Variants in PAPPA observed in about 807,000 individuals in gnomAD.
PAPPA encodes the protein pappalysin 1.
A neutral mutation model predicts 164.0 loss-of-function variants in PAPPA; 60 were observed. The observed-to-expected ratio is 0.37, with a 90% confidence interval of 0.30 to 0.45. The LOEUF is 0.45. Among genes scored for constraint, PAPPA ranks in the 20% least tolerant of loss-of-function variants. The probability of loss-of-function intolerance (pLI) is 1.00; values close to 1 mark genes in which losing one functional copy is unlikely to be tolerated. For synonymous variants in PAPPA, 875 were observed against 814.1 expected, an observed-to-expected ratio of 1.07 and a Z score of -1.27; for missense variants, 1,782 against 2,087.3, an observed-to-expected ratio of 0.85 and a Z score of 2.85.
chr9:116,387,864 C>T (rs1846836391), intron 21 of PAPPA, among the ~76,000 whole-genome samples: 1 of 152,228 alleles, frequency 6.6e-6, no homozygotes, highest in Non-Finnish European at 1.5e-5. Context: ...GCGTCTTGTC[C>T]TGCCCCTTGT....
At chr9:116,227,581 CAGG>C (rs1316188690) in intron 6 of PAPPA, 29 bp downstream of exon 6, 15 of 1,612,294 alleles carry the variant, frequency 9.3e-6, no homozygotes, top group Admixed American at 3.3e-5. Flanking sequence ...AGCTCATTGA[CAGG>C]AGGAGTGTGC....
At chr9:116,265,598 G>GA (rs769943279) in intron 7 of PAPPA, among the ~76,000 whole-genome samples, 1 of 151,998 alleles carries the variant, frequency 6.6e-6, no homozygotes, top group South Asian at 2.1e-4. Context: ...TTAAATTAAA[G>GA]AAAAAAACAA....
intron 1 of PAPPA, among the ~76,000 whole-genome samples, chr9:116,163,724 TTTTCGGC>T (rs1843693564): frequency 6.6e-6 from 1 of 152,110 alleles, no homozygotes; most frequent in African/African-American, 2.4e-5. Flanking sequence ...TGTGGACACA[TTTTCGGC>T]TTCCACACCT....
At chr9:116,291,751 G>C (rs1845439168) in intron 9 of PAPPA, among the ~76,000 whole-genome samples, 1 of 151,900 alleles carries the variant, frequency 6.6e-6, no homozygotes, top group Admixed American at 6.6e-5. Context: ...GATGCACTTT[G>C]AAACATGCTT....
intron 9 of PAPPA, among the ~76,000 whole-genome samples, chr9:116,276,863 CG>C (rs1845205512): frequency 1.3e-5 from 2 of 152,246 alleles, no homozygotes; most frequent in South Asian, 4.2e-4. Context: ...TGAGGGACAT[CG>C]AGGAGAGGAG....
intron 3 of PAPPA, 90 bp from the exon 4 acceptor site, chr9:116,211,549 A>G: frequency 8.9e-7 from 1 of 1,125,966 alleles, no homozygotes; most frequent in Non-Finnish European, 1.3e-6. Context: ...TATTTTGGGC[A>G]GCATCTCTTT....
chr9:116,302,746 A>T lies in PAPPA; in HGVS notation c.2954-11A>T. On this transcript the variant is annotated splice_polypyrimidine_tract_variant and intron_variant, in intron 9 of 21. Coordinates refer to ENST00000328252, the MANE Select transcript of PAPPA (RefSeq NM_002581.5). ...ATTTATTCTCTCCCTTTCTATGTCA[A>T]TCTTTTGCAGATGAACCCAGCCGGT... 1 of 1,603,740 alleles carries T rather than the reference A, an allele frequency of 6.2e-7. No homozygotes were observed. The highest frequency in any genetic ancestry group is 1.3e-5 in the African/African-American group (1 of 74,790).
chr9:116,356,437 G>A (rs992564559), intron 17 of PAPPA, among the ~76,000 whole-genome samples: 2 of 152,336 alleles, frequency 1.3e-5, no homozygotes, highest in East Asian at 1.9e-4. Flanking sequence ...GAACTAGCCT[G>A]CTTTAAGGTC....
At position 116,187,944 on chromosome 9, in the gene PAPPA, C is replaced by G. The variant is rs766775376; in HGVS notation, c.1206C>G (p.Asn402Lys). 6.2e-7 allele frequency: 1 copy of G among 1,614,160 alleles called. No individual in the cohort carries two copies. The highest frequency in any genetic ancestry group is 1.1e-5 in the South Asian group (1 of 91,070). ...AGCTGGACGTGCTGGAGGTGAGCAA[C>G]TCCTCCCTTCGCCGCCGCCTCATCC... is the stretch of plus-strand genomic sequence containing the variant. ...SWELDVLEVS[N>K]SSLRRRLILA... Residue 402 changes from asparagine to lysine, a missense_variant, in exon 2 of 22, where the codon AAC becomes AAG. Around this residue, in one of 2 missense-constraint regions of PAPPA, gnomAD observed 1,324 missense variants for 1,656.9 expected, o/e 0.80. Coordinates refer to ENST00000328252, the MANE Select transcript of PAPPA (RefSeq NM_002581.5). The surrounding 1 kb of genome is among the most constrained non-coding windows in gnomAD (Gnocchi z 4.2).
chr9:116,282,832 C>G (rs1845283856), intron 9 of PAPPA, among the ~76,000 whole-genome samples: 1 of 152,134 alleles, frequency 6.6e-6, no homozygotes, highest in Non-Finnish European at 1.5e-5. Flanking sequence ...ATCCCAGGGT[C>G]TTTTTAAGAA....
intron 1 of PAPPA, among the ~76,000 whole-genome samples, chr9:116,155,031 T>C (rs1564168527): frequency 6.6e-6 from 1 of 152,144 alleles, no homozygotes; most frequent in Non-Finnish European, 1.5e-5. Context: ...TAGGCCCCAT[T>C]CCCCTGAAAG....
At chr9:116,334,238 TAA>T (rs397974030) in intron 12 of PAPPA, among the ~76,000 whole-genome samples, 35 of 108,968 alleles carry the variant, frequency 3.2e-4, no homozygotes, top group Admixed American at 5.0e-4. Flanking sequence ...CTGGCTGCAT[TAA>T]AAAAAAAAAA....
At chr9:116,192,790 G>A (rs143532728) in intron 2 of PAPPA, among the ~76,000 whole-genome samples, 9 of 152,302 alleles carry the variant, frequency 5.9e-5, no homozygotes, top group African/African-American at 2.2e-4. Flanking sequence ...ATGTCTCCAC[G>A]CAGGTAGAAT....
intron 9 of PAPPA, among the ~76,000 whole-genome samples, chr9:116,275,636 C>T (rs1179377782): frequency 6.6e-6 from 1 of 152,020 alleles, no homozygotes; most frequent in Non-Finnish European, 1.5e-5. Flanking sequence ...TTCCTCTTCC[C>T]CCTTTTTCCT....
intron 1 of PAPPA, among the ~76,000 whole-genome samples, chr9:116,174,863 A>C (rs1361332889): frequency 1.3e-5 from 2 of 152,302 alleles, no homozygotes; most frequent in East Asian, 3.9e-4. Flanking sequence ...GTGACCATGG[A>C]TGAAAAGAAA....
intron 5 of PAPPA, among the ~76,000 whole-genome samples, chr9:116,226,570 C>T (rs1318716101): frequency 1.3e-5 from 2 of 152,176 alleles, no homozygotes. Context: ...TGTTTCCAGT[C>T]CCTCTGCAGA....
chr9:116,339,730 G>A (rs1588010875), intron 13 of PAPPA, among the ~76,000 whole-genome samples: 1 of 152,114 alleles, frequency 6.6e-6, no homozygotes, highest in South Asian at 2.1e-4. Flanking sequence ...TAAGTGGCAG[G>A]GCACAGCAGT....
At chr9:116,191,983 A>G (rs1217249853) in intron 2 of PAPPA, among the ~76,000 whole-genome samples, 1 of 152,140 alleles carries the variant, frequency 6.6e-6, no homozygotes, top group Non-Finnish European at 1.5e-5. Context: ...GGACCCAGAG[A>G]GAGGGACTGT....
chr9:116,155,422 C>T (rs1022148366), intron 1 of PAPPA, among the ~76,000 whole-genome samples: 4 of 152,214 alleles, frequency 2.6e-5, no homozygotes, highest in Non-Finnish European at 5.9e-5. Context: ...CATCCATTTT[C>T]CCCCCTCTAA....
Sources: gnomAD v4.1 joint callset for allele counts (sites outside exome capture counted in the v4.1 genomes callset) on GRCh38, gnomAD v4.1.1 for gene constraint, gnomAD v4.1.1 regional missense constraint, Gnocchi (gnomAD v3.1) non-coding constraint, MANE v1.5 for transcripts, NCBI Gene and HGNC (gene_info 2026-07-23, HGNC 2026-07-21) for gene names.